SLC6A8: variants seen among roughly 807,000 people sequenced by gnomAD.
SLC6A8 encodes the protein solute carrier family 6 member 8.
A neutral mutation model predicts 48.3 loss-of-function variants in SLC6A8; 6 were observed. The observed-to-expected ratio is 0.12, with a 90% CI of 0.07 to 0.25. SLC6A8 has a LOEUF of 0.25. Ranked by LOEUF, SLC6A8 falls within the 10% of genes least tolerant of loss-of-function variation. SLC6A8 has a pLI of 1.00. For missense variants in SLC6A8, 260 were observed against 551.5 expected (o/e 0.47, Z 5.29); for synonymous variants, 245 against 244.0 (o/e 1.00, Z -0.04).
At position 153,696,413 on chromosome X, in the gene SLC6A8, C is replaced by T. The variant is rs782632648; in HGVS notation, c.*1199C>T. 6 of 330,381 alleles carry T rather than the reference C, an allele frequency of 1.8e-5. No individual in the cohort carries two copies. In the East Asian group the frequency reaches 2.9e-4, roughly 16 times the overall value. The allele number at this position is 330,381 out of a possible 1,213,427, so 27.2% of individuals were successfully genotyped here. On this transcript the variant is annotated 3_prime_UTR_variant, in exon 13 of 13. Coordinates refer to ENST00000253122, the MANE Select transcript of SLC6A8 (RefSeq NM_005629.4). The stretch of plus-strand genomic sequence containing the variant: ...TCTTCTGTGTAGCAGCTTTAACCCA[C>T]GTTTGTCTGTCACGTCCAGTCCCGA...
intron 4 of SLC6A8, 74 bp from the exon 5 acceptor site, chrX:153,692,967 G>A (rs1557044904): frequency 3.4e-6 from 4 of 1,161,083 alleles, no homozygotes; most frequent in Non-Finnish European, 4.7e-6. Flanking sequence ...CCCGCAAGGG[G>A]GACCGGAGGC....
rs1191524014 is a variant in SLC6A8, at chrX:153,695,370, C to G, written c.*156C>G. 1 of 535,307 alleles carries G rather than the reference C, an allele frequency of 1.9e-6. No homozygotes were observed. Among genetic ancestry groups the G allele is most frequent in the Admixed American group, 3.5e-5 (1 of 28,919 alleles). The allele number at this position is 535,307 out of a possible 1,213,427, so 44.1% of individuals were successfully genotyped here. Reference sequence around the variant, plus strand: ...GCACCATGAGTGCTCACTAAAACAACTTTTTCCATTTTTAATAAAACGCCA... The same window carrying G: ...GCACCATGAGTGCTCACTAAAACAAGTTTTTCCATTTTTAATAAAACGCCA... On this transcript the variant is annotated 3_prime_UTR_variant, in exon 13 of 13. Transcript: ENST00000253122.
intron 4 of SLC6A8, chrX:153,692,558 G>A (rs1168816840): frequency 3.0e-6 from 1 of 337,757 alleles, no homozygotes; most frequent in African/African-American, 2.6e-5. Flanking sequence ...AGAGCAGCAT[G>A]TGGGAAGAGG....
chrX:153,693,853 G>A lies in SLC6A8; in HGVS notation c.1142-52G>A, dbSNP rs782442642. Reference sequence around the variant, plus strand: ...GTGTTGCAGGCAGGGCTCAGGGTGCGCACAGGGCAGGACATCGGCTACAAG... The same window carrying A: ...GTGTTGCAGGCAGGGCTCAGGGTGCACACAGGGCAGGACATCGGCTACAAG... On this transcript the variant is annotated intron_variant, in intron 7 of 12. Transcript: ENST00000253122. The A allele has an allele frequency of 1.7e-5, 17 of 989,159 alleles. No homozygotes were observed. In the Admixed American group the frequency reaches 2.3e-4, roughly 14 times the overall value. 81.5% of individuals were successfully genotyped at this position (989,159 alleles called of 1,213,427 possible).
At chrX:153,690,089 T>C (rs1473152141) in intron 1 of SLC6A8, among the ~76,000 whole-genome samples, 1 of 113,179 alleles carries the variant, frequency 8.8e-6, no homozygotes, top group African/African-American at 3.2e-5. Context: ...GTGTCCTCCA[T>C]GGCCATCGCC....
Position 153,691,893 on chromosome X carries a change from G to A in SLC6A8, c.645-82G>A, listed in dbSNP as rs1430922870. The A allele has an allele frequency of 5.6e-6, 6 of 1,070,160 alleles. No individual in the cohort carries two copies. In the African/African-American group the frequency reaches 9.1e-5, roughly 16 times the overall value. 88.2% of individuals were successfully genotyped at this position (1,070,160 alleles called of 1,213,427 possible). ...TGAACCCTGGGCTGTGGGAGAGAAG[G>A]GAGCCACAACTCCTGGGGGTGGACC... On this transcript the variant is annotated intron_variant, in intron 3 of 12. Coordinates refer to ENST00000253122, the MANE Select transcript of SLC6A8 (RefSeq NM_005629.4).
Position 153,695,154 on chromosome X carries a change from G to A in SLC6A8, c.1848G>A (p.Leu616=), listed in dbSNP as rs1173097153. ...YRAQDADVRG[L]TTLTPVSESS... ...CTCAGGACGCAGATGTCAGGGGCCT[G>A]ACCACCCTGACCCCAGTGTCCGAGA... The change falls in exon 13 of 13, where the codon CTG becomes CTA. Residue 616 remains leucine, a synonymous_variant. Transcript: ENST00000253122. The A allele has an allele frequency of 5.0e-6, 6 of 1,193,973 alleles. No individual in the cohort carries two copies. In the East Asian group the frequency reaches 1.8e-4, roughly 36 times the overall value.
chrX:153,691,465 C>T lies in SLC6A8; in HGVS notation c.556C>T (p.Arg186Cys). The T allele has an allele frequency of 3.3e-6, 4 of 1,211,629 alleles. No individual in the cohort carries two copies. Among genetic ancestry groups the T allele is most frequent in the Non-Finnish European group, 4.5e-6 (4 of 895,082 alleles). The change falls in exon 3 of 13, where the codon CGC becomes TGC. Residue 186 changes from arginine (R) to cysteine (C), a missense_variant. This residue lies in a region of SLC6A8 where 75 missense variants were observed against 248.8 expected (regional missense o/e 0.30). Transcript: ENST00000253122. ...WNTPDCVEIF[R>C]HEDCANASLA... ...CACTCCCGACTGCGTGGAGATCTTC[C>T]GCCATGAAGACTGTGCCAATGCCAG...
In SLC6A8 at chrX:153,688,031, A is replaced by AGCCGCCGCCGCCGCC. The variant is rs1165430998; in HGVS notation, c.-540_-526dup. ...GGAAGGAGAGGGCGAGGCGCGCCCGAGCCGCCGCCGCCGCCGCCACCGCCG... is the reference window on the plus strand; with the variant it reads ...GGAAGGAGAGGGCGAGGCGCGCCCGAGCCGCCGCCGCCGCCGCCGCCGCCGCCGCCGCCACCGCCG... On this transcript the variant is annotated 5_prime_UTR_variant, in exon 1 of 13. Transcript: ENST00000253122. 2.0e-5 allele frequency: 2 copies of AGCCGCCGCCGCCGCC among 101,059 alleles called. No homozygotes were observed. Among genetic ancestry groups the AGCCGCCGCCGCCGCC allele is most frequent in the African/African-American group, 7.3e-5 (2 of 27,243 alleles). The allele number at this position is 101,059 out of a possible 1,213,427, so 8.3% of individuals were successfully genotyped here.
chrX:153,690,112 G>A (rs782395261), intron 1 of SLC6A8, among the ~76,000 whole-genome samples: 13 of 113,133 alleles, frequency 1.1e-4, no homozygotes, highest in Non-Finnish European at 2.3e-4. Context: ...AAGTGACCGT[G>A]GGGGTGGAAG....
rs1485637011 is a variant in SLC6A8 at position 153,695,709 on chromosome X, T to C, written c.*495T>C. The C allele has an allele frequency of 5.5e-5, 9 of 164,599 alleles. No individual in the cohort carries two copies. Among genetic ancestry groups the C allele is most frequent in the Non-Finnish European group, 9.2e-5 (8 of 86,949 alleles). 13.6% of individuals were successfully genotyped at this position (164,599 alleles called of 1,213,427 possible). On this transcript the variant is annotated 3_prime_UTR_variant, in exon 13 of 13. Transcript: ENST00000253122. ...CAAGGCAAATATTTCAGCTGGGCTA[T>C]ACCCCTCTCCCCATCCCTGTTATAG...
chrX:153,695,447 C>T lies in SLC6A8; in HGVS notation c.*233C>T, dbSNP rs1466896241. ...ATGCCTCTCCCCCTCCAGCCCTAGC[C>T]GAGCTGGTCCTAGGCCCCGCCTAGT... On this transcript the variant is annotated 3_prime_UTR_variant, in exon 13 of 13. Transcript: ENST00000253122. 6.3e-5 allele frequency: 27 copies of T among 425,584 alleles called. No homozygotes were observed. Among genetic ancestry groups the T allele is most frequent in the East Asian group, 1.2e-4 (3 of 24,614 alleles). 35.1% of individuals were successfully genotyped at this position (425,584 alleles called of 1,213,427 possible).
intron 3 of SLC6A8, 152 bp from the exon 4 acceptor site, chrX:153,691,823 G>C: frequency 3.1e-6 from 2 of 654,714 alleles, no homozygotes; most frequent in Admixed American, 6.0e-5. Flanking sequence ...ATGGCCAGGG[G>C]ATCGTGGGCT....
At chrX:153,693,779 C>T (rs1399764498) in intron 7 of SLC6A8, 126 bp from the exon 8 acceptor site, 4 of 801,167 alleles carry the variant, frequency 5.0e-6, no homozygotes, top group African/African-American at 4.1e-5. Flanking sequence ...CCCTGCCGCA[C>T]GACCCAGGGT....
intron 3 of SLC6A8, 49 bp downstream of exon 3, chrX:153,691,602 C>T: frequency 5.8e-6 from 7 of 1,199,063 alleles, no homozygotes; most frequent in Non-Finnish European, 7.9e-6. Context: ...CCAGGTCTCC[C>T]TCATGTTGCC....
Position 153,693,083 on chromosome X carries a change from G to C in SLC6A8, c.820G>C (p.Val274Leu). The change falls in exon 5 of 13, where the codon GTG becomes CTG. Residue 274 changes from valine (V) to leucine (L), a missense_variant. This residue lies in a region of SLC6A8 where 75 missense variants were observed against 248.8 expected (regional missense o/e 0.30). Coordinates refer to ENST00000253122, the MANE Select transcript of SLC6A8 (RefSeq NM_005629.4). ...TACATTCCCCTACGTGGTCCTGGTC[G>C]TGCTGCTGGTGCGTGGAGTGCTGCT... is the stretch of plus-strand genomic sequence containing the variant. Reference protein sequence around the residue: ...TATFPYVVLVVLLVRGVLLPG... With the variant: ...TATFPYVVLVLLLVRGVLLPG... 8.3e-7 allele frequency: 1 copy of C among 1,210,371 alleles called. No individual in the cohort carries two copies. The highest frequency in any genetic ancestry group is 1.1e-6 in the Non-Finnish European group (1 of 894,674).
At chrX:153,691,205 A>G in intron 2 of SLC6A8, 99 bp from the exon 3 acceptor site, 1 of 964,849 alleles carries the variant, frequency 1.0e-6, no homozygotes, top group Non-Finnish European at 1.4e-6. Context: ...CCAGGAGGAC[A>G]GATGGTGGGA....
rs369715906 is a variant in SLC6A8, at chrX:153,694,775, C to T, written c.1653C>T (p.Tyr551=). 55 of 1,208,699 alleles carry T rather than the reference C, an allele frequency of 4.6e-5. No homozygotes were observed. The highest frequency in any genetic ancestry group is 1.1e-4 in the Admixed American group (5 of 45,989). Residue 551 remains tyrosine, a synonymous_variant, in exon 12 of 13, where the codon TAC becomes TAT. Coordinates refer to ENST00000253122, the MANE Select transcript of SLC6A8 (RefSeq NM_005629.4). ...AGCCGCTGGTCTACAACAACACCTA[C>T]GTGTACCCGTGGTGGGGTGAGGCCA... is the stretch of plus-strand genomic sequence containing the variant. ...YYEPLVYNNT[Y]VYPWWGEAMG...
In SLC6A8 at chrX:153,689,918, C is replaced by G. The variant is rs550765164; in HGVS notation, c.263-457C>G. 3.5e-5 allele frequency among the ~76,000 whole-genome samples: 4 copies of G among 112,783 alleles called. No individual in the cohort carries two copies. The East Asian group carries it at 1.1e-3, about 32-fold the overall frequency. The stretch of plus-strand genomic sequence containing the variant: ...CTGCCTTAGACCTCACACTTGCAGG[C>G]AAGCGTCCAAGGGCAGGACAGTCGC... On this transcript the variant is annotated intron_variant, in intron 1 of 12. Transcript: ENST00000253122.
Sources: gnomAD v4.1 joint callset for allele counts (sites outside exome capture counted in the v4.1 genomes callset) on GRCh38, gnomAD v4.1.1 for gene constraint, gnomAD v4.1.1 regional missense constraint, MANE v1.5 for transcripts, NCBI Gene and HGNC (gene_info 2026-07-23, HGNC 2026-07-21) for gene names.